Variants in CDH26 observed in about 807,000 individuals in gnomAD.
The protein encoded by CDH26 is cadherin-like protein 26.
In CDH26, 83 loss-of-function variants were observed where a neutral mutation model predicts 90.3. The ratio of observed to expected loss-of-function variants is 0.92; its 90% CI spans 0.77 to 1.10. The LOEUF (loss-of-function observed/expected upper bound fraction) is 1.10, where lower values mean the gene tolerates loss of function less well. CDH26 is among the 50% of genes least tolerant of loss of function. CDH26 has a pLI of 0.00. For missense variants in CDH26, 1,013 were observed against 1,037.6 expected (o/e 0.98, Z 0.33); for synonymous variants, 397 against 396.3 (o/e 1.00, Z -0.02).
downstream of CDH26, among the ~76,000 whole-genome samples, chr20:60,035,099 T>G (rs2062073348): frequency 6.6e-6 from 1 of 152,254 alleles, no homozygotes; most frequent in African/African-American, 2.4e-5. Flanking sequence ...ACCTAAGAGA[T>G]CCTGCCCTGT....
intron 7 of CDH26, among the ~76,000 whole-genome samples, chr20:60,020,499 T>C (rs1324814043): frequency 6.6e-6 from 1 of 152,178 alleles, no homozygotes; most frequent in East Asian, 1.9e-4. Flanking sequence ...TGGGTTTCTT[T>C]TTTGGGCTCA....
intron 1 of CDH26, among the ~76,000 whole-genome samples, chr20:59,966,979 T>A (rs1205092622): frequency 6.7e-6 from 1 of 149,572 alleles, no homozygotes; most frequent in African/African-American, 2.5e-5. Context: ...GAAAAATCAA[T>A]GATAAGTAAA....
intron 7 of CDH26, chr20:60,031,125 T>A: frequency 9.9e-7 from 1 of 1,012,298 alleles, no homozygotes; most frequent in Non-Finnish European, 1.2e-6. Context: ...GCCATGGCAT[T>A]TGTAAACTGT....
intron 7 of CDH26, among the ~76,000 whole-genome samples, chr20:60,020,706 C>T (rs1281447161): frequency 6.6e-6 from 1 of 152,136 alleles, no homozygotes; most frequent in Non-Finnish European, 1.5e-5. Flanking sequence ...TAGCTTGGCT[C>T]ACAGTGGGTG....
Position 59,968,994 on chromosome 20 carries a change from G to C in CDH26, c.97G>C (p.Glu33Gln). Residue 33 changes from glutamate to glutamine, a missense_variant, in exon 2 of 18, where the codon GAA (glutamate) becomes CAA (glutamine). Physicochemically the swap from Glu to Gln is conservative, Grantham distance 29 (BLOSUM62 2). Transcript: ENST00000348616. ...CAGTATCATTGACAGTGTTCAACAG[G>C]AAACAGATGATCTTACTAAGCAAAC... The part of the protein sequence containing the change: ...QVSIIDSVQQ[E>Q]TDDLTKQTKE... The C allele has an allele frequency of 1.3e-6, 2 of 1,591,424 alleles. No individual in the cohort carries two copies. The highest frequency in any genetic ancestry group is 2.2e-5 in the East Asian group (1 of 44,736).
chr20:59,988,841 G>A (rs1490956432), intron 8 of CDH26, 63 bp from the exon 9 acceptor site: 5 of 1,576,524 alleles, frequency 3.2e-6, no homozygotes, highest in East Asian at 4.5e-5. Context: ...ATGACTCGGC[G>A]CTGGGCTTCC....
In CDH26 at chr20:59,958,748, C is replaced by T. The variant is rs1317354688; in HGVS notation, c.22C>T (p.His8Tyr). Residue 8 changes from histidine (H) to tyrosine (Y), a missense_variant, in exon 1 of 18, where the codon CAC becomes TAC. His to Tyr is a moderately conservative substitution (Grantham distance 83, BLOSUM62 2). Coordinates refer to ENST00000348616, the MANE Select transcript of CDH26 (RefSeq NM_177980.4). ...CCATATGGCCATGAGATCCGGGAGG[C>T]ACCCCTCGCTGCTGCTGCTTCTAGT... MAMRSGR[H>Y]PSLLLLLVLL... 1.9e-6 allele frequency: 3 copies of T among 1,614,082 alleles called. No homozygotes were observed. Among genetic ancestry groups the T allele is most frequent in the South Asian group, 2.2e-5 (2 of 91,090 alleles).
intron 17 of CDH26, among the ~76,000 whole-genome samples, chr20:60,010,375 A>G (rs1471894123): frequency 6.6e-6 from 1 of 152,106 alleles, no homozygotes; most frequent in Non-Finnish European, 1.5e-5. Flanking sequence ...AATTACTATC[A>G]GCAGTGACGG....
rs1041320177 is a variant in CDH26, at chr20:59,994,398, G to A, written c.1575G>A (p.Pro525=). 1.2e-6 allele frequency: 2 copies of A among 1,614,120 alleles called. No individual in the cohort carries two copies. The highest frequency in any genetic ancestry group is 1.7e-5 in the Admixed American group (1 of 60,014). Residue 525 remains proline, a synonymous_variant, in exon 11 of 18, where the codon CCG becomes CCA. Transcript: ENST00000348616. ...HEPLHIEAED[P]DLEPFSDPFT... is the part of the protein sequence containing the mutation. ...CCCTCCACATCGAGGCAGAGGATCC[G>A]GACCTGGAGCCGTTCTCTGACCCAT...
intron 17 of CDH26, among the ~76,000 whole-genome samples, chr20:60,008,805 C>T (rs1352210537): frequency 1.3e-5 from 2 of 152,228 alleles, no homozygotes; most frequent in African/African-American, 4.8e-5. Flanking sequence ...CTTCTCACTC[C>T]CACTCCTTAG....
intron 17 of CDH26, 87 bp from the exon 18 acceptor site, chr20:60,012,440 G>A (rs2061857842): frequency 1.6e-6 from 2 of 1,269,774 alleles, no homozygotes; most frequent in South Asian, 2.7e-5. Flanking sequence ...CTACTGCATT[G>A]ATGTGTTCCT....
intron 1 of CDH26, among the ~76,000 whole-genome samples, chr20:59,967,852 T>G (rs1288986975): frequency 9.0e-6 from 1 of 110,762 alleles, no homozygotes; most frequent in African/African-American, 5.0e-5. Context: ...TTTCTTTCTT[T>G]CTTTCTTTCT....
chr20:59,974,873 A>G (rs1280284848), intron 4 of CDH26, among the ~76,000 whole-genome samples: 2 of 151,888 alleles, frequency 1.3e-5, no homozygotes, highest in African/African-American at 2.4e-5. Flanking sequence ...GTGTTTAATT[A>G]TCTGTTGATA....
At position 59,992,473 on chromosome 20, in the gene CDH26, A is replaced by G. The variant is rs150634961; in HGVS notation, c.1379A>G (p.His460Arg). ...TVEPIDRESP[H>R]VNNSFYVIII... ...GAGCCAATTGACCGAGAATCCCCTCATGTAAATAACAGTTTTTATGTAATC... is the reference window on the plus strand; with the variant it reads ...GAGCCAATTGACCGAGAATCCCCTCGTGTAAATAACAGTTTTTATGTAATC... Residue 460 changes from histidine to arginine, a missense_variant, in exon 10 of 18, where the codon CAT becomes CGT. Coordinates refer to ENST00000348616, the MANE Select transcript of CDH26 (RefSeq NM_177980.4). The surrounding 1 kb of genome is among the most constrained non-coding windows in gnomAD (Gnocchi z 5.0). The G allele has an allele frequency of 1.1e-5, 18 of 1,614,066 alleles. No homozygotes were observed. The African/African-American group carries it at 2.1e-4, about 19-fold the overall frequency.
intron 4 of CDH26, among the ~76,000 whole-genome samples, chr20:59,976,834 G>T (rs2145979260): frequency 6.6e-6 from 1 of 152,154 alleles, no homozygotes; most frequent in South Asian, 2.1e-4. Context: ...AGGGAAAGGG[G>T]GCTCAGGCAG....
rs1307754819 is a variant in CDH26, at chr20:59,988,957, T to A, written c.1077T>A (p.Asn359Lys). 6.2e-7 allele frequency: 1 copy of A among 1,613,682 alleles called. No homozygotes were observed. Residue 359 changes from asparagine (N) to lysine (K), a missense_variant, in exon 9 of 18, where the codon AAT becomes AAA. Coordinates refer to ENST00000348616, the MANE Select transcript of CDH26 (RefSeq NM_177980.4). ...PAQSLIIVVE[N>K]EERLVFCERG... ...AAAGCCTCATCATTGTCGTGGAGAA[T>A]GAGGAGAGGCTCGTCTTCTGTGAGA...
Position 60,006,858 on chromosome 20 carries a change from T to A in CDH26, c.2295+71T>A, listed in dbSNP as rs1036464318. The A allele has an allele frequency of 3.6e-6, 4 of 1,119,070 alleles. No homozygotes were observed. In the African/African-American group the frequency reaches 6.2e-5, roughly 17 times the overall value. 69.3% of individuals were successfully genotyped at this position (1,119,070 alleles called of 1,614,324 possible). On this transcript the variant is annotated intron_variant, in intron 17 of 17. Transcript: ENST00000348616. ...ATCCCCACTGTGCTCCAGGCTTGAT[T>A]TGGGGACACTTCCTCCTAAATCACT...
Position 59,984,646 on chromosome 20 carries a change from T to C in CDH26, c.549T>C (p.Pro183=), listed in dbSNP as rs2061430415. Residue 183 remains proline, a synonymous_variant, in exon 6 of 18, where the codon CCT becomes CCC. Coordinates refer to ENST00000348616, the MANE Select transcript of CDH26 (RefSeq NM_177980.4). ...TVQENQSAGQ[P]IFQMLAVDLD... is the part of the protein sequence containing the mutation. ...TTTAAAAATTCTTTCTAGGGCAACC[T>C]ATTTTTCAGATGTTAGCAGTCGATT... The C allele has an allele frequency of 6.2e-7, 1 of 1,607,758 alleles. No homozygotes were observed. Among genetic ancestry groups the C allele is most frequent in the African/African-American group, 1.3e-5 (1 of 74,596 alleles).
intron 16 of CDH26, among the ~76,000 whole-genome samples, chr20:60,005,978 A>G (rs2061743714): frequency 6.6e-6 from 1 of 152,112 alleles, no homozygotes; most frequent in Admixed American, 6.6e-5. Context: ...TCTCATTGGA[A>G]TTCCCTTCTG....
Sources: allele counts gnomAD v4.1 joint callset (sites outside exome capture counted in the v4.1 genomes callset), GRCh38; gene constraint gnomAD v4.1.1; non-coding constraint Gnocchi (gnomAD v3.1); transcripts MANE v1.5; gene names NCBI Gene and HGNC (gene_info 2026-07-23, HGNC 2026-07-21).